Variants in CAST observed in about 807,000 individuals in gnomAD.
CAST encodes MIR583 host.
In CAST, 76 loss-of-function variants were observed where a neutral mutation model predicts 119.6. That is an observed-to-expected ratio of 0.64 (90% CI 0.53 to 0.77). CAST has a LOEUF of 0.77. Ranked by LOEUF, CAST falls within the 30% of genes least tolerant of loss-of-function variation. CAST has a pLI of 0.00. For synonymous variants in CAST, 319 were observed against 331.6 expected (o/e 0.96, Z 0.41); for missense variants, 953 against 946.5 (o/e 1.01, Z -0.09).
chr5:96,485,658 T>C, the CAST span, among the ~76,000 whole-genome samples: 1 of 152,246 alleles, frequency 6.6e-6, no homozygotes, highest in Admixed American at 6.5e-5. Flanking sequence ...TCAGAGAAGA[T>C]ATGGCAGAAT....
chr5:96,267,423 C>CATCA, the CAST span, among the ~76,000 whole-genome samples: 7 of 152,134 alleles, frequency 4.6e-5, no homozygotes, highest in Admixed American at 1.3e-4. Context: ...ATTCTAAAGG[C>CATCA]ATCAAGAGAA....
At chr5:96,497,547 G>T in the CAST span, among the ~76,000 whole-genome samples, 2 of 151,774 alleles carry the variant, frequency 1.3e-5, no homozygotes, top group African/African-American at 4.8e-5. Context: ...TTTAATGATT[G>T]CCATTCTAAC....
At position 96,736,199 on chromosome 5, in the gene CAST, G is replaced by A; in HGVS notation, c.658G>A (p.Ala220Thr). The A allele has an allele frequency of 6.2e-7, 1 of 1,612,878 alleles. No homozygotes were observed. The highest frequency in any genetic ancestry group is 8.5e-7 in the Non-Finnish European group (1 of 1,179,350). Residue 220 changes from alanine to threonine, a missense_variant, in exon 10 of 32, where the codon GCT becomes ACT. By Grantham distance (58) the Ala-to-Thr change is moderately conservative. Coordinates refer to ENST00000675179, the MANE Select transcript of CAST (RefSeq NM_001750.7). ...KKKEKKSLTP[A>T]VPVESKPDKP... ...AAAAGAAAAGAAATCATTAACCCCAGCTGTGCCAGTTGAATCTAAACCGGA... is the reference window on the plus strand; with the variant it reads ...AAAAGAAAAGAAATCATTAACCCCAACTGTGCCAGTTGAATCTAAACCGGA...
At chr5:96,093,028 A>C in the CAST span, among the ~76,000 whole-genome samples, 2 of 152,238 alleles carry the variant, frequency 1.3e-5, no homozygotes, top group Non-Finnish European at 2.9e-5. Context: ...ACACATATTC[A>C]GATATTGTTA....
At chr5:96,671,373 G>T (rs578061223) in intron 1 of CAST, among the ~76,000 whole-genome samples, 1 of 152,258 alleles carries the variant, frequency 6.6e-6, no homozygotes, top group Non-Finnish European at 1.5e-5. Context: ...TTCATGTTTT[G>T]TTATTTTTCG....
rs144760025 is a variant in CAST, at chr5:96,686,963, G to A, written c.139-8873G>A. ...CTTAATTTTAACAATCTAATTCCAT[G>A]TACATCATTCTCAAATATTGCATTC... On this transcript the variant is annotated intron_variant, in intron 2 of 31. Coordinates refer to ENST00000675179, the MANE Select transcript of CAST (RefSeq NM_001750.7). Among the ~76,000 whole-genome samples, 241 of 152,222 alleles carry A rather than the reference G, an allele frequency of 1.6e-3. 1 individual carries two copies. Among genetic ancestry groups the A allele is most frequent in the African/African-American group, 5.6e-3 (233 of 41,524 alleles).
the CAST span, among the ~76,000 whole-genome samples, chr5:96,366,294 C>T: frequency 0.012 from 1,809 of 152,210 alleles, 42 homozygotes; most frequent in African/African-American, 0.042. Flanking sequence ...GCAAATCTGA[C>T]GATTATATGT....
the CAST span, among the ~76,000 whole-genome samples, chr5:96,038,057 C>T: frequency 6.6e-6 from 1 of 152,132 alleles, no homozygotes; most frequent in African/African-American, 2.4e-5. Context: ...TTGGCAGAAG[C>T]TGCAAGACTT....
intron 1 of CAST, among the ~76,000 whole-genome samples, chr5:96,606,170 C>CAACA (rs1747249726): frequency 6.8e-6 from 1 of 146,280 alleles, no homozygotes; most frequent in African/African-American, 2.5e-5. Context: ...ACAACAACAA[C>CAACA]AAAAAAAAAA....
At chr5:96,507,789 G>C in the CAST span, among the ~76,000 whole-genome samples, 1 of 152,032 alleles carries the variant, frequency 6.6e-6, no homozygotes, top group Admixed American at 6.6e-5. Context: ...ACATAGCAAA[G>C]AAACACTAGC....
chr5:96,464,950 C>A, the CAST span, among the ~76,000 whole-genome samples: 1 of 151,976 alleles, frequency 6.6e-6, no homozygotes. Flanking sequence ...TAATAAAAAT[C>A]CTGCTGGGAT....
chr5:96,700,529 C>T (rs540841669), intron 3 of CAST, among the ~76,000 whole-genome samples: 1 of 152,284 alleles, frequency 6.6e-6, no homozygotes, highest in East Asian at 1.9e-4. Flanking sequence ...CAGGATGAGG[C>T]TGAGATTCTG....
chr5:96,467,163 C>T, the CAST span, among the ~76,000 whole-genome samples: 4 of 151,532 alleles, frequency 2.6e-5, no homozygotes, highest in Non-Finnish European at 5.9e-5. Flanking sequence ...CCTGTCTTTT[C>T]CTCATTTTCT....
chr5:96,752,891 C>T (rs1449440998), intron 20 of CAST, among the ~76,000 whole-genome samples: 2 of 151,534 alleles, frequency 1.3e-5, no homozygotes, highest in African/African-American at 4.9e-5. Flanking sequence ...ATATTGCAAC[C>T]CCATCCCCAT....
chr5:96,473,292 G>A, the CAST span, among the ~76,000 whole-genome samples: 1 of 152,204 alleles, frequency 6.6e-6, no homozygotes, highest in Admixed American at 6.5e-5. Context: ...GAGTGATAAC[G>A]TGTTTTCACA....
At chr5:95,993,144 A>C in the CAST span, among the ~76,000 whole-genome samples, 7 of 152,324 alleles carry the variant, frequency 4.6e-5, no homozygotes, top group Non-Finnish European at 8.8e-5. Context: ...GATTTTCAGC[A>C]AAAGCACCAA....
the CAST span, among the ~76,000 whole-genome samples, chr5:96,299,306 C>T: frequency 6.6e-6 from 1 of 151,852 alleles, no homozygotes; most frequent in Admixed American, 6.6e-5. Flanking sequence ...AAACAAAAAA[C>T]ATGTAATTGA....
At chr5:96,629,517 A>G (rs577626775) in intron 1 of CAST, among the ~76,000 whole-genome samples, 26 of 152,324 alleles carry the variant, frequency 1.7e-4, no homozygotes, top group African/African-American at 6.3e-4. Flanking sequence ...CCTTATAAAT[A>G]TCTTGTACCA....
the CAST span, among the ~76,000 whole-genome samples, chr5:96,435,322 A>C: frequency 3.9e-5 from 6 of 152,210 alleles, no homozygotes; most frequent in African/African-American, 1.4e-4. Flanking sequence ...TGGTTTATAT[A>C]CCTAACAGGG....
Sources: allele counts gnomAD v4.1 joint callset (sites outside exome capture counted in the v4.1 genomes callset), GRCh38; gene constraint gnomAD v4.1.1; transcripts MANE v1.5; gene names NCBI Gene and HGNC (gene_info 2026-07-23, HGNC 2026-07-21).